Variants in FOXN3 observed in about 807,000 individuals in gnomAD.
The protein encoded by FOXN3 is forkhead box protein N3.
In FOXN3, 7 loss-of-function variants were observed where a neutral mutation model predicts 38.4. The observed-to-expected ratio is 0.18, with a 90% CI of 0.10 to 0.34. The LOEUF is 0.34. Ranked by LOEUF, FOXN3 falls within the 10% of genes least tolerant of loss-of-function variation. FOXN3 has a pLI of 1.00. For synonymous variants in FOXN3, 230 were observed against 242.2 expected (o/e 0.95, Z 0.47); for missense variants, 456 against 613.4 (o/e 0.74, Z 2.71).
intron 1 of FOXN3, among the ~76,000 whole-genome samples, chr14:89,515,518 G>A (rs900350097): frequency 6.6e-6 from 1 of 151,960 alleles, no homozygotes; most frequent in Non-Finnish European, 1.5e-5. Context: ...CCGAGGTCAG[G>A]AGTTCAAGAC....
chr14:89,174,137 A>T (rs927260648), intron 5 of FOXN3, among the ~76,000 whole-genome samples: 6 of 152,212 alleles, frequency 3.9e-5, no homozygotes, highest in Non-Finnish European at 7.3e-5. Context: ...CCAGGTATCA[A>T]ATTCTACCTA....
chr14:89,419,017 G>A, upstream of FOXN3: 1 of 393,128 alleles, frequency 2.5e-6, no homozygotes, highest in Non-Finnish European at 5.2e-6. Flanking sequence ...ATTTTCACCG[G>A]CCCCAGTCCC....
At chr14:89,379,699 A>G (rs1037737829) in intron 2 of FOXN3, among the ~76,000 whole-genome samples, 2 of 152,034 alleles carry the variant, frequency 1.3e-5, no homozygotes, top group African/African-American at 4.8e-5. Context: ...CCCAGGCTGG[A>G]GTGAAGTGGC....
chr14:89,468,075 AT>A lies in FOXN3; in HGVS notation c.-14-55586del, dbSNP rs939392001. ...ATACATGCATCTACATAATTTGATT[AT>A]TTTTTTTTTTATAAATAGGATCCCA... On this transcript the variant is annotated intron_variant, in intron 1 of 6. Coordinates refer to the FOXN3 transcript ENST00000345097. 2.1e-3 allele frequency among the ~76,000 whole-genome samples: 292 copies of A among 142,080 alleles called. 3 individuals are homozygous for A. Among genetic ancestry groups the A allele is most frequent in the African/African-American group, 6.8e-3 (247 of 36,084 alleles). The allele number at this position is 142,080 out of a possible 152,430, so 93.2% of individuals were successfully genotyped here.
Position 89,492,434 on chromosome 14 carries a change from C to G in FOXN3, c.-14-79944G>C, listed in dbSNP as rs769247999. Among the ~76,000 whole-genome samples the G allele has an allele frequency of 2.0e-5, 3 of 150,404 alleles. No homozygotes were observed. In the South Asian group the frequency reaches 6.3e-4, roughly 32 times the overall value. ...CGTCCTCTGAGAATGGAGCTGCCTT[C>G]GGTATGAGCCACCATTAAAAAGTTT... On this transcript the variant is annotated intron_variant, in intron 1 of 6. Coordinates refer to the FOXN3 transcript ENST00000345097.
intron 1 of FOXN3, among the ~76,000 whole-genome samples, chr14:89,438,761 TTTTC>T (rs1892319534): frequency 6.6e-6 from 1 of 151,492 alleles, no homozygotes; most frequent in Non-Finnish European, 1.5e-5. Flanking sequence ...TTTTACATTC[TTTTC>T]TTTCTTTTTT....
chr14:89,481,752 C>T (rs1893335270), intron 1 of FOXN3, among the ~76,000 whole-genome samples: 1 of 152,180 alleles, frequency 6.6e-6, no homozygotes, highest in South Asian at 2.1e-4. Context: ...AATGAAGCAA[C>T]GCAACAAAAA....
intron 4 of FOXN3, among the ~76,000 whole-genome samples, chr14:89,280,028 A>C (rs1886411709): frequency 6.6e-6 from 1 of 152,116 alleles, no homozygotes; most frequent in South Asian, 2.1e-4. Flanking sequence ...AAAATCCCTC[A>C]CCATAAGCCC....
intron 1 of FOXN3, among the ~76,000 whole-genome samples, chr14:89,568,600 C>A (rs1312514932): frequency 2.6e-5 from 4 of 152,164 alleles, no homozygotes; most frequent in African/African-American, 7.2e-5. Context: ...CTAACATTTG[C>A]GTCCTTTCTT....
Position 89,162,855 on chromosome 14 carries a change from G to T in FOXN3, c.966C>A (p.Asn322Lys). 1 of 1,611,708 alleles carries T rather than the reference G, an allele frequency of 6.2e-7. No homozygotes were observed. The highest frequency in any genetic ancestry group is 8.5e-7 in the Non-Finnish European group (1 of 1,179,952). ...CGCTGGTGGGCGAGGTGCTCCGGGC[G>T]TTGGAGGACTTGGCACTGCTGTAGT... ...DHNYSSAKSS[N>K]ARSTSPTSDS... Residue 322 changes from asparagine to lysine, a missense_variant, in exon 6 of 6, where the codon AAC (asparagine) becomes AAA (lysine). By Grantham distance (94) the Asn-to-Lys change is moderately conservative (BLOSUM62 0). This residue lies in a region of FOXN3 where 386 missense variants were observed against 505.2 expected (regional missense o/e 0.76). Transcript: ENST00000557258. This position sits in a 1 kb window ranked among gnomAD's most constrained non-coding sequence, Gnocchi z 7.2.
chr14:89,511,203 T>TTTTC (rs1288806061), intron 1 of FOXN3, among the ~76,000 whole-genome samples: 835 of 14,990 alleles, frequency 0.056, 155 homozygotes, highest in African/African-American at 0.079. Context: ...TCTTTCTTTC[T>TTTTC]TTTCTTTCTT....
intron 4 of FOXN3, among the ~76,000 whole-genome samples, chr14:89,198,332 C>T (rs1041946614): frequency 7.9e-5 from 12 of 152,162 alleles, no homozygotes; most frequent in Non-Finnish European, 1.3e-4. Flanking sequence ...CATACAAATA[C>T]TACACTGTTT....
intron 3 of FOXN3, among the ~76,000 whole-genome samples, chr14:89,344,323 G>T (rs965511869): frequency 8.6e-5 from 13 of 150,510 alleles, no homozygotes; most frequent in African/African-American, 3.2e-4. Flanking sequence ...CCCAATCATG[G>T]TCAATCCATC....
At chr14:89,424,762 A>G (rs1330261164) in intron 1 of FOXN3, among the ~76,000 whole-genome samples, 3 of 151,290 alleles carry the variant, frequency 2.0e-5, no homozygotes, top group Non-Finnish European at 4.4e-5. Context: ...GCACGTGCCT[A>G]TAGTCCCAGC....
chr14:89,335,077 TCA>T (rs72014136), intron 3 of FOXN3, among the ~76,000 whole-genome samples: 11,103 of 139,056 alleles, frequency 0.08, 786 homozygotes, highest in African/African-American at 0.2. Flanking sequence ...TATTTTCATA[TCA>T]CACACACACA....
intron 5 of FOXN3, among the ~76,000 whole-genome samples, chr14:89,165,032 T>C (rs73319282): frequency 0.012 from 1,900 of 152,234 alleles, 39 homozygotes; most frequent in African/African-American, 0.044. Flanking sequence ...TGAGGGTCAT[T>C]ATCAAAACTC....
chr14:89,578,441 A>G (rs987608515), intron 1 of FOXN3, among the ~76,000 whole-genome samples: 4 of 152,104 alleles, frequency 2.6e-5, no homozygotes, highest in African/African-American at 9.7e-5. Flanking sequence ...GTACATGCTA[A>G]TAACTCAAAT....
intron 3 of FOXN3, among the ~76,000 whole-genome samples, chr14:89,296,169 T>C (rs1288348030): frequency 6.6e-6 from 1 of 152,086 alleles, no homozygotes; most frequent in Non-Finnish European, 1.5e-5. Flanking sequence ...TTTGAGTATA[T>C]ACTGAAAAAA....
rs578004909 is a variant in FOXN3 at position 89,432,471 on chromosome 14, C to T, written c.-14-19981G>A. Among the ~76,000 whole-genome samples the T allele has an allele frequency of 1.6e-4, 24 of 152,318 alleles. 1 individual carries two copies. The East Asian group carries it at 3.9e-3, about 24-fold the overall frequency. On this transcript the variant is annotated intron_variant, in intron 1 of 6. Transcript: ENST00000345097. ...CAAAAGCTTCCTGCAGGCCAGGCAC[C>T]GTGCCAAGAGCTTTACCTGCATTAT...
Sources: gnomAD v4.1 joint callset for allele counts (sites outside exome capture counted in the v4.1 genomes callset) on GRCh38, gnomAD v4.1.1 for gene constraint, gnomAD v4.1.1 regional missense constraint, Gnocchi (gnomAD v3.1) non-coding constraint, MANE v1.5 for transcripts, NCBI Gene and HGNC (gene_info 2026-07-23, HGNC 2026-07-21) for gene names.